Variants in SETD1A observed in about 807,000 individuals in gnomAD.
The protein encoded by SETD1A is histone-lysine N-methyltransferase SETD1A.
In SETD1A, 29 loss-of-function variants were observed where a neutral mutation model predicts 149.9. The observed-to-expected ratio is 0.19, with a 90% CI of 0.14 to 0.26. The LOEUF is 0.26. Ranked by LOEUF, SETD1A falls within the 10% of genes least tolerant of loss-of-function variation. The pLI is 1.00. For synonymous variants in SETD1A, 1,141 were observed against 968.5 expected, an observed-to-expected ratio of 1.18 and a Z score of -3.31; for missense variants, 2,109 against 2,353.1, an observed-to-expected ratio of 0.90 and a Z score of 2.15.
intron 7 of SETD1A, 52 bp from the exon 8 acceptor site, chr16:30,965,549 G>A (rs959905784): frequency 2.5e-6 from 4 of 1,596,148 alleles, no homozygotes; most frequent in Admixed American, 1.7e-5. Flanking sequence ...AGATGAGAAA[G>A]TAGGGCTTGG....
Position 30,965,270 on chromosome 16 carries a change from A to G in SETD1A, c.1528A>G (p.Thr510Ala), listed in dbSNP as rs1349356947. The stretch of plus-strand genomic sequence containing the variant: ...CAAGTTTTCCTTCTTGGCCTCTGAC[A>G]CAGAGGAGGAGGAAGAGAACAGCAG... ...RSKFSFLASD[T>A]EEEEENSSMV... Residue 510 changes from threonine (T) to alanine (A), a missense_variant, in exon 7 of 19, where the codon ACA becomes GCA. Thr to Ala is a moderately conservative substitution (Grantham distance 58). Around this residue, in one of 8 missense-constraint regions of SETD1A, gnomAD observed 23 missense variants for 48.7 expected, o/e 0.47. Transcript: ENST00000262519. 3 of 1,614,218 alleles carry G rather than the reference A, an allele frequency of 1.9e-6. No homozygotes were observed. Among genetic ancestry groups the G allele is most frequent in the South Asian group, 1.1e-5 (1 of 91,084 alleles).
rs774613722 is a variant in SETD1A, at chr16:30,969,347, G to T, written c.2813G>T (p.Gly938Val). 1 of 1,614,050 alleles carries T rather than the reference G, an allele frequency of 6.2e-7. No individual in the cohort carries two copies. Among genetic ancestry groups the T allele is most frequent in the Non-Finnish European group, 8.5e-7 (1 of 1,180,032 alleles). Residue 938 changes from glycine to valine, a missense_variant, in exon 11 of 19, where the codon GGG (glycine) becomes GTG (valine). Around this residue, in one of 8 missense-constraint regions of SETD1A, gnomAD observed 832 missense variants for 815.6 expected, o/e 1.02. Coordinates refer to ENST00000262519, the MANE Select transcript of SETD1A (RefSeq NM_014712.3). ...EKEAGEPGRP[G>V]TKPPKRDEER... Reference sequence around the variant, plus strand: ...GAGGCTGGAGAGCCAGGACGTCCGGGGACCAAGCCCCCGAAGCGGGACGAA... The same window carrying T: ...GAGGCTGGAGAGCCAGGACGTCCGGTGACCAAGCCCCCGAAGCGGGACGAA...
chr16:30,977,826 C>A (rs1596689012), intron 13 of SETD1A, among the ~76,000 whole-genome samples: 1 of 152,208 alleles, frequency 6.6e-6, no homozygotes, highest in Non-Finnish European at 1.5e-5. Flanking sequence ...GTGCCGGCGG[C>A]CCTGTTGGCG....
chr16:30,984,141 G>A lies in SETD1A; in HGVS notation c.*118G>A, dbSNP rs2056423128. On this transcript the variant is annotated 3_prime_UTR_variant, in exon 19 of 19. Coordinates refer to ENST00000262519, the MANE Select transcript of SETD1A (RefSeq NM_014712.3). ...CCACATGCCCCCATCTCCAAGCGTGGGGTTGGGGGCCCCAAGCCCAGCGAG... is the reference window on the plus strand; with the variant it reads ...CCACATGCCCCCATCTCCAAGCGTGAGGTTGGGGGCCCCAAGCCCAGCGAG... 1 of 1,030,504 alleles carries A rather than the reference G, an allele frequency of 9.7e-7. No homozygotes were observed. 63.8% of individuals were successfully genotyped at this position (1,030,504 alleles called of 1,614,324 possible).
At chr16:30,973,403 A>G (rs1326658388) in intron 13 of SETD1A, among the ~76,000 whole-genome samples, 2 of 152,156 alleles carry the variant, frequency 1.3e-5, no homozygotes, top group African/African-American at 2.4e-5. Context: ...AAGATGTGCT[A>G]TGAGCTTTAG....
At chr16:30,970,355 C>T (rs1297470529) in intron 12 of SETD1A, among the ~76,000 whole-genome samples, 1 of 151,690 alleles carries the variant, frequency 6.6e-6, no homozygotes, top group African/African-American at 2.4e-5. Context: ...GCAACCTCCG[C>T]CTCCCTGGTT....
chr16:30,982,290 C>G (rs753668419), intron 17 of SETD1A, among the ~76,000 whole-genome samples: 118 of 152,100 alleles, frequency 7.8e-4, no homozygotes, highest in Admixed American at 3.4e-3. Context: ...CACCTGAGGT[C>G]AGGAGTTCGA....
rs1463149845 is a variant in SETD1A, at chr16:30,980,152, G to A, written c.4366G>A (p.Gly1456Arg). The A allele has an allele frequency of 1.9e-6, 3 of 1,609,362 alleles. No individual in the cohort carries two copies. Among genetic ancestry groups the A allele is most frequent in the Non-Finnish European group, 1.7e-6 (2 of 1,178,480 alleles). ...CGAGCGGCTGCTGCAGCAGACAAGC[G>A]GGGCTGACTGGCTCAACGACACTCA... ...TYERLLQQTS[G>R]ADWLNDTHWV... Residue 1456 changes from glycine (G) to arginine (R), a missense_variant, in exon 14 of 19, where the codon GGG (glycine) becomes AGG (arginine). Gly to Arg is a moderately radical substitution (Grantham distance 125). This residue lies in a region of SETD1A where 254 missense variants were observed against 409.3 expected (regional missense o/e 0.62). Transcript: ENST00000262519. This position sits in a 1 kb window ranked among gnomAD's most constrained non-coding sequence, Gnocchi z 7.7.
Position 30,964,907 on chromosome 16 carries a change from C to T in SETD1A, c.1165C>T (p.Arg389Trp), listed in dbSNP as rs770788186. Residue 389 changes from arginine (R) to tryptophan (W), a missense_variant, in exon 7 of 19, where the codon CGG becomes TGG. Coordinates refer to ENST00000262519, the MANE Select transcript of SETD1A (RefSeq NM_014712.3). ...HTSYPPRRAT[R>W]EEPPGAPFAE... ...TTCCTACCCACCACGCCGGGCCACA[C>T]GGGAGGAACCCCCTGGAGCCCCTTT... is the stretch of plus-strand genomic sequence containing the variant. 1.2e-5 allele frequency: 19 copies of T among 1,614,046 alleles called. No individual in the cohort carries two copies. The highest frequency in any genetic ancestry group is 4.0e-5 in the African/African-American group (3 of 74,930).
chr16:30,983,209 C>T lies in SETD1A; in HGVS notation c.4813-426C>T, dbSNP rs2056403693. 6.6e-6 allele frequency among the ~76,000 whole-genome samples: 1 copy of T among 152,146 alleles called. No individual in the cohort carries two copies. Among genetic ancestry groups the T allele is most frequent in the South Asian group, 2.1e-4 (1 of 4,826 alleles). ...ATGGGCGGCCTGCCATTTGCATTAG[C>T]CGGTGGCAGCCAACAGGTGCCTGTT... is the stretch of plus-strand genomic sequence containing the variant. On this transcript the variant is annotated intron_variant, in intron 17 of 18. Coordinates refer to ENST00000262519, the MANE Select transcript of SETD1A (RefSeq NM_014712.3). The surrounding 1 kb of genome is among the most constrained non-coding windows in gnomAD (Gnocchi z 6.8).
At chr16:30,968,394 CTG>C (rs1193405099) in intron 10 of SETD1A, among the ~76,000 whole-genome samples, 1 of 135,100 alleles carries the variant, frequency 7.4e-6, no homozygotes, top group African/African-American at 2.8e-5. Flanking sequence ...TAGCACGAGA[CTG>C]TGTCTCAAAA....
chr16:30,961,209 G>A lies in SETD1A; in HGVS notation c.247-58G>A. On this transcript the variant is annotated intron_variant, in intron 3 of 18. Transcript: ENST00000262519. The surrounding 1 kb of genome is among the most constrained non-coding windows in gnomAD (Gnocchi z 4.0). ...ATGGAGCTTGCTAAAGTTTCCCGAAGGACAAAGGAACAGTGGTCAGTGTTG... is the reference window on the plus strand; with the variant it reads ...ATGGAGCTTGCTAAAGTTTCCCGAAAGACAAAGGAACAGTGGTCAGTGTTG... 3 of 1,565,772 alleles carry A rather than the reference G, an allele frequency of 1.9e-6. No individual in the cohort carries two copies. The highest frequency in any genetic ancestry group is 1.2e-5 in the South Asian group (1 of 86,670).
chr16:30,963,710 G>C (rs536112213), intron 5 of SETD1A, among the ~76,000 whole-genome samples, 156 bp downstream of exon 5: 1 of 152,258 alleles, frequency 6.6e-6, no homozygotes, highest in Non-Finnish European at 1.5e-5. Context: ...AGGGAACTAG[G>C]GGCCAGGCAC....
intron 13 of SETD1A, among the ~76,000 whole-genome samples, chr16:30,976,725 G>A (rs559913502): frequency 8.5e-5 from 13 of 152,232 alleles, no homozygotes; most frequent in African/African-American, 2.6e-4. Flanking sequence ...TGCTTGAGGG[G>A]AGCTGAGGGT....
chr16:30,966,744 C>T (rs756378702), intron 8 of SETD1A, 140 bp from the exon 9 acceptor site: 29 of 969,620 alleles, frequency 3.0e-5, no homozygotes, highest in African/African-American at 4.9e-5. Flanking sequence ...AAATGCCGTG[C>T]GGGGGCTGGG....
intron 13 of SETD1A, among the ~76,000 whole-genome samples, chr16:30,975,134 G>A (rs1189814009): frequency 2.4e-4 from 36 of 150,728 alleles, no homozygotes; most frequent in Admixed American, 1.6e-3. Flanking sequence ...GTGACAGAGC[G>A]AGACTGTCTC....
intron 8 of SETD1A, 44 bp from the exon 9 acceptor site, chr16:30,966,840 C>A: frequency 6.7e-7 from 1 of 1,499,914 alleles, no homozygotes; most frequent in South Asian, 1.3e-5. Context: ...GGAGGGAATG[C>A]CTGGGTTCTG....
Position 30,979,477 on chromosome 16 carries a change from A to G in SETD1A, c.3691A>G (p.Ser1231Gly). ...CGAGGAGGTGTCCCGAGGAGGCCGG[A>G]GCCGGGCTGGAGGCCGAGGCCGCCT... is the stretch of plus-strand genomic sequence containing the variant. ...WPEEVSRGGRSRAGGRGRLTE... is the reference protein window; with the variant it reads ...WPEEVSRGGRGRAGGRGRLTE... Residue 1231 changes from serine to glycine, a missense_variant, in exon 14 of 19, where the codon AGC becomes GGC. Physicochemically the swap from Ser to Gly is moderately conservative, Grantham distance 56 (BLOSUM62 0). Transcript: ENST00000262519. 6.2e-7 allele frequency: 1 copy of G among 1,600,114 alleles called. No homozygotes were observed. The highest frequency in any genetic ancestry group is 8.5e-7 in the Non-Finnish European group (1 of 1,173,800).
Position 30,981,069 on chromosome 16 carries a change from G to C in SETD1A, c.4701G>C (p.Lys1567Asn), listed in dbSNP as rs753267822. The C allele has an allele frequency of 7.4e-6, 12 of 1,614,094 alleles. No homozygotes were observed. In the Admixed American group the frequency reaches 1.3e-4, roughly 18 times the overall value. ...LLKLNQLKFR[K>N]KKLRFGRSRI... ...TCCCTTCTGCCCCCCAGTTCCGGAA[G>C]AAGAAGCTCCGATTTGGCCGGAGCC... Residue 1567 changes from lysine to asparagine, a missense_variant, in exon 17 of 19, where the codon AAG becomes AAC. Lys to Asn is a moderately conservative substitution (Grantham distance 94). Coordinates refer to ENST00000262519, the MANE Select transcript of SETD1A (RefSeq NM_014712.3).
Sources: gnomAD v4.1 joint callset for allele counts (sites outside exome capture counted in the v4.1 genomes callset) on GRCh38, gnomAD v4.1.1 for gene constraint, gnomAD v4.1.1 regional missense constraint, Gnocchi (gnomAD v3.1) non-coding constraint, MANE v1.5 for transcripts, NCBI Gene and HGNC (gene_info 2026-07-23, HGNC 2026-07-21) for gene names.